ORC5: variants seen among roughly 807,000 people sequenced by gnomAD.
The protein encoded by ORC5 is protein phosphatase 1, regulatory subunit 117.
In ORC5, 39 loss-of-function variants were observed where a neutral mutation model predicts 58.8. The ratio of observed to expected loss-of-function variants is 0.66; its 90% CI spans 0.51 to 0.87. The LOEUF is 0.87. Among genes scored for constraint, ORC5 ranks in the 40% least tolerant of loss-of-function variants. ORC5 has a pLI of 0.00. For synonymous variants in ORC5, 218 were observed against 177.6 expected, an observed-to-expected ratio of 1.23 and a Z score of -1.81; for missense variants, 493 against 506.3, an observed-to-expected ratio of 0.97 and a Z score of 0.25.
At chr7:104,174,001 C>T (rs538616963) in intron 8 of ORC5, among the ~76,000 whole-genome samples, 5 of 151,264 alleles carry the variant, frequency 3.3e-5, no homozygotes, top group South Asian at 2.1e-4. Flanking sequence ...CCCGCCACTA[C>T]GCCCGGCTAA....
At chr7:104,127,202 T>C (rs1268691468) in intron 13 of ORC5, among the ~76,000 whole-genome samples, 1 of 152,190 alleles carries the variant, frequency 6.6e-6, no homozygotes, top group Non-Finnish European at 1.5e-5. Flanking sequence ...TGAAAGCTAT[T>C]TGCTTTGTCT....
At chr7:104,195,063 G>A in intron 5 of ORC5, 80 bp downstream of exon 5, 2 of 684,114 alleles carry the variant, frequency 2.9e-6, no homozygotes, top group Non-Finnish European at 5.0e-6. Flanking sequence ...ATTCCCATTT[G>A]AATATGCTAG....
chr7:104,130,652 T>A, intron 13 of ORC5, among the ~76,000 whole-genome samples: 1 of 152,216 alleles, frequency 6.6e-6, no homozygotes, highest in East Asian at 1.9e-4. Flanking sequence ...TATATTTCTC[T>A]TTCTTACCTC....
chr7:104,197,126 A>C (rs1799818259), intron 4 of ORC5, among the ~76,000 whole-genome samples: 1 of 152,200 alleles, frequency 6.6e-6, no homozygotes, highest in African/African-American at 2.4e-5. Context: ...TGTGACTTTA[A>C]GTGCAACATA....
intron 5 of ORC5, among the ~76,000 whole-genome samples, chr7:104,190,317 G>C (rs2116019830): frequency 6.6e-6 from 1 of 152,148 alleles, no homozygotes; most frequent in African/African-American, 2.4e-5. Context: ...AAAGGGGATA[G>C]TACATAAACT....
intron 2 of ORC5, among the ~76,000 whole-genome samples, chr7:104,203,589 C>T (rs376488075): frequency 1.4e-4 from 22 of 152,232 alleles, no homozygotes; most frequent in African/African-American, 5.3e-4. Context: ...CACTATGAGC[C>T]AACTTTGCAG....
chr7:104,171,483 G>C (rs976495582), intron 8 of ORC5, among the ~76,000 whole-genome samples: 1 of 152,178 alleles, frequency 6.6e-6, no homozygotes, highest in Non-Finnish European at 1.5e-5. Context: ...TTATGAAAAG[G>C]AGGGATTAGC....
In ORC5 at chr7:104,174,164, C is replaced by T. The variant is rs554466184; in HGVS notation, c.825-5639G>A. Among the ~76,000 whole-genome samples, 4 of 151,258 alleles carry T rather than the reference C, an allele frequency of 2.6e-5. No individual in the cohort carries two copies. In the East Asian group the frequency reaches 7.7e-4, roughly 29 times the overall value. Reference sequence around the variant, plus strand: ...CGGCCGTAAAATTTTTGTGAATACTCTTATCTTGGTTTCATTTTGGTTTGG... The same window carrying T: ...CGGCCGTAAAATTTTTGTGAATACTTTTATCTTGGTTTCATTTTGGTTTGG... On this transcript the variant is annotated intron_variant, in intron 8 of 13. Coordinates refer to ENST00000297431, the MANE Select transcript of ORC5 (RefSeq NM_002553.4).
intron 4 of ORC5, among the ~76,000 whole-genome samples, chr7:104,197,022 G>A (rs1416133088): frequency 6.6e-6 from 1 of 152,076 alleles, no homozygotes; most frequent in Non-Finnish European, 1.5e-5. Context: ...TGCCTAGTAA[G>A]TCCGCCCCTG....
At chr7:104,142,161 G>A (rs1406150977) in intron 12 of ORC5, among the ~76,000 whole-genome samples, 1 of 152,052 alleles carries the variant, frequency 6.6e-6, no homozygotes, top group Admixed American at 6.6e-5. Context: ...TTCAATAAAT[G>A]GTACTGGAAA....
intron 4 of ORC5, among the ~76,000 whole-genome samples, chr7:104,195,858 A>G (rs1026148413): frequency 4.6e-5 from 7 of 152,350 alleles, no homozygotes; most frequent in Middle Eastern, 3.4e-3. Context: ...AGAAGAAGAT[A>G]TTTATTGGGC....
intron 11 of ORC5, among the ~76,000 whole-genome samples, chr7:104,163,767 A>G (rs1261437085): frequency 6.6e-6 from 1 of 152,216 alleles, no homozygotes; most frequent in East Asian, 1.9e-4. Flanking sequence ...CTGGGACTAC[A>G]GGTGTGAGGC....
Position 104,152,377 on chromosome 7 carries a change from C to A in ORC5, c.1149+8695G>T, listed in dbSNP as rs140708924. On this transcript the variant is annotated intron_variant, in intron 12 of 13. Coordinates refer to ENST00000297431, the MANE Select transcript of ORC5 (RefSeq NM_002553.4). ...CAGGCAGGTCTCGAACTCCTGGGTG[C>A]AAATGATCCTCCTACCCCAGTCTCT... is the stretch of plus-strand genomic sequence containing the variant. Among the ~76,000 whole-genome samples, 259 of 152,234 alleles carry A rather than the reference C, an allele frequency of 1.7e-3. 2 individuals are homozygous for A. Among genetic ancestry groups the A allele is most frequent in the Middle Eastern group, 0.01 (3 of 294 alleles).
chr7:104,168,630 A>T (rs920257572), intron 8 of ORC5, 105 bp from the exon 9 acceptor site: 3 of 570,202 alleles, frequency 5.3e-6, no homozygotes, highest in Non-Finnish European at 8.8e-6. Flanking sequence ...TTTATTAACA[A>T]AACAGAAAAG....
intron 12 of ORC5, among the ~76,000 whole-genome samples, chr7:104,143,879 G>A (rs1394742794): frequency 6.6e-6 from 1 of 152,160 alleles, no homozygotes; most frequent in African/African-American, 2.4e-5. Context: ...AGCACTTTGG[G>A]AGGCAGAGAC....
chr7:104,164,316 A>G (rs1799072166), intron 11 of ORC5, among the ~76,000 whole-genome samples: 1 of 152,102 alleles, frequency 6.6e-6, no homozygotes, highest in Non-Finnish European at 1.5e-5. Flanking sequence ...CCCAGCTACT[A>G]GGGAGGCTGA....
chr7:104,134,537 T>C (rs1160552921), intron 13 of ORC5, among the ~76,000 whole-genome samples: 1 of 149,002 alleles, frequency 6.7e-6, no homozygotes, highest in Non-Finnish European at 1.5e-5. Context: ...TTAAGGAGAA[T>C]AGGGAAATAG....
At chr7:104,161,233 C>A in intron 11 of ORC5, 51 bp from the exon 12 acceptor site, 2 of 986,424 alleles carry the variant, frequency 2.0e-6, no homozygotes, top group South Asian at 2.6e-5. Context: ...CCAGAGCACT[C>A]ACTTTCTGTA....
intron 11 of ORC5, among the ~76,000 whole-genome samples, chr7:104,162,521 T>C (rs1799041670): frequency 6.6e-6 from 1 of 152,250 alleles, no homozygotes; most frequent in Non-Finnish European, 1.5e-5. Context: ...TTTACATGCA[T>C]GGGAGTAACT....
Sources: allele counts gnomAD v4.1 joint callset (sites outside exome capture counted in the v4.1 genomes callset), GRCh38; gene constraint gnomAD v4.1.1; transcripts MANE v1.5; gene names NCBI Gene and HGNC (gene_info 2026-07-23, HGNC 2026-07-21).